The following CACNA1A variants were observed in gnomAD, a reference collection of about 807,000 sequenced individuals.
The protein encoded by CACNA1A is voltage-dependent P/Q-type calcium channel subunit alpha-1A.
In CACNA1A, 57 loss-of-function variants were observed where a neutral mutation model predicts 262.4. The ratio of observed to expected loss-of-function variants is 0.22; its 90% confidence interval spans 0.18 to 0.27. The LOEUF (loss-of-function observed/expected upper bound fraction) is 0.27, where lower values mean the gene tolerates loss of function less well. Among genes scored for constraint, CACNA1A ranks in the 10% least tolerant of loss-of-function variants. The pLI is 1.00. For synonymous variants in CACNA1A, 1,431 were observed against 1,419.3 expected (o/e 1.01, Z -0.18); for missense variants, 2,526 against 3,562.8 (o/e 0.71, Z 7.41).
At chr19:13,415,775 T>G (rs111461225) in intron 3 of CACNA1A, among the ~76,000 whole-genome samples, 34,955 of 83,580 alleles carry the variant, frequency 0.42, 5,468 homozygotes, top group East Asian at 0.49. Context: ...AAAAAAAAAG[T>G]AGATGGGGCC....
intron 11 of CACNA1A, chr19:13,316,636 A>G (rs1371875783): frequency 1.3e-5 from 2 of 152,726 alleles, no homozygotes; most frequent in African/African-American, 4.8e-5. Flanking sequence ...GAAAGAAGAG[A>G]GAAGTAGAGT....
chr19:13,386,822 G>A (rs539230404), intron 3 of CACNA1A, among the ~76,000 whole-genome samples: 91 of 152,144 alleles, frequency 6.0e-4, no homozygotes, highest in African/African-American at 2.1e-3. Context: ...TGACGCAGTC[G>A]TCTTGGGGCT....
chr19:13,207,915 C>A lies in CACNA1A; in HGVS notation c.6919G>T (p.Gly2307Cys). The change falls in exon 47 of 47, where the codon GGC becomes TGC. Residue 2307 changes from glycine to cysteine, a missense_variant. This residue lies in a region of CACNA1A where 929 missense variants were observed against 868.1 expected (regional missense o/e 1.07). Transcript: ENST00000360228. The surrounding 1 kb of genome is among the most constrained non-coding windows in gnomAD (Gnocchi z 5.7). ...TGCTGCTGCGGGGGCCCCGAGCCGC[C>A]GGCCTTACGGATCACAGGGGAATAG... Reference protein sequence around the residue: ...VSYSPVIRKAGGSGPPQQQQQ... With the variant: ...VSYSPVIRKACGSGPPQQQQQ... 7.0e-7 allele frequency: 1 copy of A among 1,422,346 alleles called. No individual in the cohort carries two copies. The highest frequency in any genetic ancestry group is 9.2e-7 in the Non-Finnish European group (1 of 1,088,942). 88.1% of individuals were successfully genotyped at this position (1,422,346 alleles called of 1,614,324 possible).
chr19:13,327,900 T>C (rs1017182870), intron 10 of CACNA1A, among the ~76,000 whole-genome samples: 8 of 151,388 alleles, frequency 5.3e-5, no homozygotes, highest in Admixed American at 2.6e-4. Context: ...AGAATGTATG[T>C]TATTTTATTT....
At chr19:13,357,979 C>A (rs2059036220) in intron 6 of CACNA1A, among the ~76,000 whole-genome samples, 1 of 152,054 alleles carries the variant, frequency 6.6e-6, no homozygotes, top group South Asian at 2.1e-4. Flanking sequence ...TGCGCTCCAG[C>A]CTGGACGACA....
intron 10 of CACNA1A, among the ~76,000 whole-genome samples, chr19:13,323,347 T>G (rs972407381): frequency 6.6e-6 from 1 of 152,224 alleles, no homozygotes; most frequent in African/African-American, 2.4e-5. Context: ...AATGGTGGTT[T>G]TGATTTGCAT....
chr19:13,424,216 C>G (rs1444284184), intron 3 of CACNA1A, among the ~76,000 whole-genome samples: 3 of 151,906 alleles, frequency 2.0e-5, no homozygotes, highest in Non-Finnish European at 4.4e-5. Flanking sequence ...ACAAACAAAA[C>G]AAAACAGCTA....
chr19:13,408,511 T>C (rs1247613418), intron 3 of CACNA1A, among the ~76,000 whole-genome samples: 1 of 152,244 alleles, frequency 6.6e-6, no homozygotes, highest in East Asian at 1.9e-4. Context: ...CTAAGTCCTT[T>C]TACAAATTCC....
intron 38 of CACNA1A, among the ~76,000 whole-genome samples, chr19:13,218,542 T>A (rs926527967): frequency 6.6e-6 from 1 of 152,128 alleles, no homozygotes; most frequent in Admixed American, 6.6e-5. Flanking sequence ...CCTGGACCCT[T>A]CCCCAGATGC....
At chr19:13,502,473 G>A in intron 1 of CACNA1A, among the ~76,000 whole-genome samples, 1 of 152,088 alleles carries the variant, frequency 6.6e-6, no homozygotes, top group East Asian at 1.9e-4. Context: ...AGTGGGGAGG[G>A]AACTCTAGGA....
At chr19:13,327,017 T>C (rs2058375532) in intron 10 of CACNA1A, among the ~76,000 whole-genome samples, 1 of 151,366 alleles carries the variant, frequency 6.6e-6, no homozygotes, top group South Asian at 2.1e-4. Flanking sequence ...GCCTCACGAG[T>C]AGCTGGGACT....
At chr19:13,337,058 G>C (rs555778116) in intron 6 of CACNA1A, among the ~76,000 whole-genome samples, 1 of 152,336 alleles carries the variant, frequency 6.6e-6, no homozygotes, top group Admixed American at 6.5e-5. Flanking sequence ...AAATGAGAAA[G>C]AAGTTAAGAT....
At chr19:13,482,343 C>A (rs544948367) in intron 1 of CACNA1A, among the ~76,000 whole-genome samples, 2 of 151,898 alleles carry the variant, frequency 1.3e-5, no homozygotes, top group Non-Finnish European at 1.5e-5. Context: ...ACTAGCCGGG[C>A]GTGGTGGTGG....
At chr19:13,408,962 G>A (rs181884098) in intron 3 of CACNA1A, among the ~76,000 whole-genome samples, 3 of 152,302 alleles carry the variant, frequency 2.0e-5, no homozygotes, top group East Asian at 1.9e-4. Flanking sequence ...TTGTAATTCC[G>A]AGTTGAAAAT....
Position 13,212,545 on chromosome 19 carries a change from G to A in CACNA1A, c.6051-23C>T. ...ATCCTGCATGGGGGACAGAGGCCGG[G>A]GTAGCAGTGGGCGCTTGGGCAGCTT... On this transcript the variant is annotated intron_variant, in intron 41 of 46. Coordinates refer to ENST00000360228, the MANE Select transcript of CACNA1A (RefSeq NM_001127222.2). The surrounding 1 kb of genome is among the most constrained non-coding windows in gnomAD (Gnocchi z 5.6). 6.5e-7 allele frequency: 1 copy of A among 1,545,498 alleles called. No homozygotes were observed. Among genetic ancestry groups the A allele is most frequent in the Non-Finnish European group, 8.8e-7 (1 of 1,141,392 alleles).
In CACNA1A at chr19:13,405,524, T is replaced by C. The variant is rs1036858265; in HGVS notation, c.540-33745A>G. Among the ~76,000 whole-genome samples, 7 of 152,172 alleles carry C rather than the reference T, an allele frequency of 4.6e-5. No homozygotes were observed. The South Asian group carries it at 8.3e-4, about 18-fold the overall frequency. On this transcript the variant is annotated intron_variant, in intron 3 of 46. Coordinates refer to ENST00000360228, the MANE Select transcript of CACNA1A (RefSeq NM_001127222.2). Reference sequence around the variant, plus strand: ...CCTGGCCATATTATTGGTAGTAGTATTGCATTATTATCAACAGTCTGTAAT... The same window carrying C: ...CCTGGCCATATTATTGGTAGTAGTACTGCATTATTATCAACAGTCTGTAAT...
intron 24 of CACNA1A, among the ~76,000 whole-genome samples, chr19:13,268,519 C>T (rs1446876929): frequency 2.0e-5 from 3 of 151,434 alleles, no homozygotes; most frequent in Non-Finnish European, 4.4e-5. Context: ...CTGCAAGCTC[C>T]GCCTCCCAGG....
intron 3 of CACNA1A, among the ~76,000 whole-genome samples, chr19:13,402,689 T>C (rs534500478): frequency 2.2e-4 from 33 of 148,406 alleles, no homozygotes; most frequent in Middle Eastern, 7.1e-3. Context: ...CATCAATTAA[T>C]TGATCAGCAT....
intron 31 of CACNA1A, among the ~76,000 whole-genome samples, chr19:13,238,465 C>T (rs541511579): frequency 5.0e-4 from 76 of 152,298 alleles, no homozygotes; most frequent in South Asian, 1.4e-3. Flanking sequence ...CAAGCTGCAG[C>T]CCCCACAACA....
Sources: gnomAD v4.1 joint callset for allele counts (sites outside exome capture counted in the v4.1 genomes callset) on GRCh38, gnomAD v4.1.1 for gene constraint, gnomAD v4.1.1 regional missense constraint, Gnocchi (gnomAD v3.1) non-coding constraint, MANE v1.5 for transcripts, NCBI Gene and HGNC (gene_info 2026-07-23, HGNC 2026-07-21) for gene names.